ID4: variants seen among roughly 807,000 people sequenced by gnomAD.
ID4 encodes inhibitor of DNA binding 4, also known as DNA-binding protein inhibitor ID-4.
A neutral mutation model predicts 8.6 loss-of-function variants in ID4; 9 were observed. That is an observed-to-expected ratio of 1.04 (90% CI 0.63 to 1.82). The LOEUF (loss-of-function observed/expected upper bound fraction) is 1.82, where lower values mean the gene tolerates loss of function less well. Among genes scored for constraint, ID4 ranks in the 40% most tolerant of loss-of-function variants. The pLI, the probability that ID4 is intolerant of heterozygous loss-of-function variation, is 0.00. For synonymous variants in ID4, 180 were observed against 118.0 expected (o/e 1.53, Z -3.41); for missense variants, 270 against 235.1 (o/e 1.15, Z -0.97).
At position 19,840,413 on chromosome 6, in the gene ID4, T is replaced by C. The variant is rs1018701506; in HGVS notation, c.*1218T>C. On this transcript the variant is annotated 3_prime_UTR_variant, in exon 3 of 3. Coordinates refer to ENST00000378700, the MANE Select transcript of ID4 (RefSeq NM_001546.4). ...TGCTTGCTACCAAAGGACAAACTCT[T>C]GGAAATGAACACTTTCTGCTTTCCT... The C allele has an allele frequency of 6.6e-6, 1 of 152,522 alleles. No individual in the cohort carries two copies. The highest frequency in any genetic ancestry group is 2.4e-5 in the African/African-American group (1 of 41,436). The allele number at this position is 152,522 out of a possible 1,614,324, so 9.4% of individuals were successfully genotyped here. A position where few individuals can be genotyped will look rare whatever the true frequency, so the allele number is the denominator to read the frequency against.
rs1300443662 is a variant in ID4, at chr6:19,840,976, GTAT to G, written c.*1785_*1787del. ...TGTTTCAGATTATACAAGAATAAAAGTATTATAGACCCAAGGGACTTCTTATGA... is the reference window on the plus strand; with the variant it reads ...TGTTTCAGATTATACAAGAATAAAAGTATAGACCCAAGGGACTTCTTATGA... On this transcript the variant is annotated 3_prime_UTR_variant, in exon 3 of 3. Transcript: ENST00000378700. 1.3e-5 allele frequency among the ~76,000 whole-genome samples: 2 copies of G among 152,212 alleles called. No homozygotes were observed. Among genetic ancestry groups the G allele is most frequent in the East Asian group, 1.9e-4 (1 of 5,186 alleles).
rs937439838 is a variant in ID4, at chr6:19,837,496, T to C, written c.-259T>C. ...GAAGGGAGTGACTAGGACACCCGGG[T>C]GGGCTACTTTTCTTCCGGTGCTTTT... On this transcript the variant is annotated 5_prime_UTR_variant, in exon 1 of 3. Coordinates refer to ENST00000378700, the MANE Select transcript of ID4 (RefSeq NM_001546.4). 2 of 170,748 alleles carry C rather than the reference T, an allele frequency of 1.2e-5. No homozygotes were observed. The highest frequency in any genetic ancestry group is 2.4e-5 in the Non-Finnish European group (2 of 82,004). The allele number at this position is 170,748 out of a possible 1,614,324, so 10.6% of individuals were successfully genotyped here. A position where few individuals can be genotyped will look rare whatever the true frequency, so the allele number is the denominator to read the frequency against.
intron 2 of ID4, 188 bp downstream of exon 2, chr6:19,838,830 G>A (rs1441207780): frequency 1.0e-5 from 6 of 589,748 alleles, no homozygotes; most frequent in African/African-American, 3.8e-5. Flanking sequence ...TAGAACTCGA[G>A]GTTCAGTCTC....
At position 19,838,168 on chromosome 6, in the gene ID4, C is replaced by T. The variant is rs1657305444; in HGVS notation, c.414C>T (p.Thr138=). 13 of 1,501,056 alleles carry T rather than the reference C, an allele frequency of 8.7e-6. No homozygotes were observed. The highest frequency in any genetic ancestry group is 1.2e-5 in the Non-Finnish European group (13 of 1,124,672). 93.0% of individuals were successfully genotyped at this position (1,501,056 alleles called of 1,614,324 possible). ...CCTGTCCAGCCGCGCCGCCGCGGAC[C>T]CCGCTCACTGCGCTCAACACCGACC... ...AGTCPAAPPR[T]PLTALNTDPA... The change falls in exon 1 of 3, where the codon ACC becomes ACT. Residue 138 remains threonine, a synonymous_variant. Coordinates refer to ENST00000378700, the MANE Select transcript of ID4 (RefSeq NM_001546.4).
rs2113467942 is a variant in ID4, at chr6:19,840,410, T to C, written c.*1215T>C. On this transcript the variant is annotated 3_prime_UTR_variant, in exon 3 of 3. Transcript: ENST00000378700. ...CTCTGCTTGCTACCAAAGGACAAACTCTTGGAAATGAACACTTTCTGCTTT... is the reference window on the plus strand; with the variant it reads ...CTCTGCTTGCTACCAAAGGACAAACCCTTGGAAATGAACACTTTCTGCTTT... The C allele has an allele frequency of 6.6e-6, 1 of 152,606 alleles. No homozygotes were observed. Among genetic ancestry groups the C allele is most frequent in the African/African-American group, 2.4e-5 (1 of 41,534 alleles). The allele number at this position is 152,606 out of a possible 1,614,324, so 9.5% of individuals were successfully genotyped here. A position where few individuals can be genotyped will look rare whatever the true frequency, so the allele number is the denominator to read the frequency against.
At position 19,840,808 on chromosome 6, in the gene ID4, T is replaced by C. The variant is rs566709556; in HGVS notation, c.*1613T>C. 3 of 152,294 alleles carry C rather than the reference T, an allele frequency of 2.0e-5. No homozygotes were observed. The highest frequency in any genetic ancestry group is 2.1e-4 in the South Asian group (1 of 4,832). The allele number at this position is 152,294 out of a possible 1,614,324, so 9.4% of individuals were successfully genotyped here. A position where few individuals can be genotyped will look rare whatever the true frequency, so the allele number is the denominator to read the frequency against. On this transcript the variant is annotated 3_prime_UTR_variant, in exon 3 of 3. Coordinates refer to ENST00000378700, the MANE Select transcript of ID4 (RefSeq NM_001546.4). ...GGACTATCAGGGTTTGTGAACATTA[T>C]GCATTTAATGTTATGGGTACTTTAC...
At chr6:19,838,550 T>C (rs1399095663) in intron 1 of ID4, 34 bp from the exon 2 acceptor site, 5 of 1,613,926 alleles carry the variant, frequency 3.1e-6, no homozygotes, top group Non-Finnish European at 4.2e-6. Context: ...TTGCGCCTGC[T>C]AACCTTTCCC....
rs1200909762 is a variant in ID4, at chr6:19,838,003, G to A, written c.249G>A (p.Pro83=). ...TGCGGAGGCTGGTGCCCACCATCCC[G>A]CCCAACAAGAAAGTCAGCAAAGTGG... The part of the protein sequence containing the change: ...SRLRRLVPTI[P]PNKKVSKVEI... Residue 83 remains proline (P), a synonymous_variant, in exon 1 of 3, where the codon CCG becomes CCA. Transcript: ENST00000378700. 3.7e-6 allele frequency: 6 copies of A among 1,601,982 alleles called. No homozygotes were observed. The highest frequency in any genetic ancestry group is 2.7e-5 in the African/African-American group (2 of 74,236).
In ID4 at chr6:19,838,671, C is replaced by G. The variant is rs745599150; in HGVS notation, c.*14+29C>G. 6.9e-6 allele frequency: 11 copies of G among 1,603,350 alleles called. No homozygotes were observed. In the African/African-American group the frequency reaches 1.3e-4, roughly 20 times the overall value. ...AGCGCGCATTTCCCGTCTCGGGTGG[C>G]CGGTCACCAGAGACGCCCGTCCCCG... On this transcript the variant is annotated intron_variant, in intron 2 of 2. Transcript: ENST00000378700.
rs1478384088 is a variant in ID4, at chr6:19,840,875, G to C, written c.*1680G>C. On this transcript the variant is annotated 3_prime_UTR_variant, in exon 3 of 3. Transcript: ENST00000378700. Reference sequence around the variant, plus strand: ...ATTTTTAGAGTGAAAGAATTAAGTAGGATTTAATTGGGTGCTTTGTAAATA... The same window carrying C: ...ATTTTTAGAGTGAAAGAATTAAGTACGATTTAATTGGGTGCTTTGTAAATA... Among the ~76,000 whole-genome samples, 2 of 152,126 alleles carry C rather than the reference G, an allele frequency of 1.3e-5. No individual in the cohort carries two copies. Among genetic ancestry groups the C allele is most frequent in the African/African-American group, 4.8e-5 (2 of 41,440 alleles).
At chr6:19,838,703 T>TC (rs1761287282) in intron 2 of ID4, 61 bp downstream of exon 2, 1 of 1,478,174 alleles carries the variant, frequency 6.8e-7, no homozygotes. Context: ...CCCGAGGGCT[T>TC]CCGGGGCCAG....
chr6:19,838,366 C>T (rs949988483), intron 1 of ID4, among the ~76,000 whole-genome samples, 171 bp downstream of exon 1: 1 of 152,062 alleles, frequency 6.6e-6, no homozygotes, highest in Non-Finnish European at 1.5e-5. Flanking sequence ...CGGCCGGGCT[C>T]GGCGAGCGCG....
Position 19,837,627 on chromosome 6 carries a change from G to T in ID4, c.-128G>T. ...GTCAATTGTTGGGCTCGGGAGTGTC[G>T]CGGTGCCCCGAGCGCGCCGGGCGCG... On this transcript the variant is annotated 5_prime_UTR_variant, in exon 1 of 3. Coordinates refer to ENST00000378700, the MANE Select transcript of ID4 (RefSeq NM_001546.4). 1.9e-6 allele frequency: 1 copy of T among 520,826 alleles called. No individual in the cohort carries two copies. The highest frequency in any genetic ancestry group is 5.8e-5 in the Admixed American group (1 of 17,334). The allele number at this position is 520,826 out of a possible 1,614,324, so 32.3% of individuals were successfully genotyped here.
chr6:19,838,498 C>G, intron 1 of ID4, 86 bp from the exon 2 acceptor site: 1 of 1,574,874 alleles, frequency 6.3e-7, no homozygotes, highest in Non-Finnish European at 8.7e-7. Flanking sequence ...GCGCGCCAGC[C>G]TGATTTCCGA....
Position 19,837,862 on chromosome 6 carries a change from T to G in ID4, c.108T>G (p.Gly36=), listed in dbSNP as rs1390176390. The part of the protein sequence containing the change: ...RCLAEHGHSL[G]GSAAAAAAAA... ...TGGCCGAGCACGGCCACAGCCTGGG[T>G]GGCTCCGCAGCCGCGGCGGCGGCGG... The change falls in exon 1 of 3, where the codon GGT becomes GGG. Residue 36 remains glycine, a synonymous_variant. Coordinates refer to ENST00000378700, the MANE Select transcript of ID4 (RefSeq NM_001546.4). 6.3e-6 allele frequency: 8 copies of G among 1,260,410 alleles called. No individual in the cohort carries two copies. Among genetic ancestry groups the G allele is most frequent in the African/African-American group, 1.6e-5 (1 of 62,492 alleles). The allele number at this position is 1,260,410 out of a possible 1,614,324, so 78.1% of individuals were successfully genotyped here. A position where few individuals can be genotyped will look rare whatever the true frequency, so the allele number is the denominator to read the frequency against.
At chr6:19,838,433 G>C in intron 1 of ID4, 151 bp from the exon 2 acceptor site, 1 of 1,144,710 alleles carries the variant, frequency 8.7e-7, no homozygotes, top group Non-Finnish European at 1.3e-6. Context: ...GGGCTGTCAA[G>C]TCCCGCCTGA....
At chr6:19,838,461 C>G (rs1048376307) in intron 1 of ID4, 123 bp from the exon 2 acceptor site, 3 of 1,353,818 alleles carry the variant, frequency 2.2e-6, no homozygotes, top group Non-Finnish European at 3.1e-6. Context: ...GGGGCCCCCC[C>G]GGCTACAGGC....
chr6:19,841,618 C>T lies in ID4; in HGVS notation c.*2423C>T, dbSNP rs541367994. Among the ~76,000 whole-genome samples the T allele has an allele frequency of 6.6e-6, 1 of 152,260 alleles. No individual in the cohort carries two copies. The highest frequency in any genetic ancestry group is 2.1e-4 in the South Asian group (1 of 4,824). On this transcript the variant is annotated 3_prime_UTR_variant, in exon 3 of 3. Transcript: ENST00000378700. The stretch of plus-strand genomic sequence containing the variant: ...AAAAACTACTGAAAGAAGAAAAGTG[C>T]TACAGATACTACATTTCAAAGAGTT...
rs1761244151 is a variant in ID4 at position 19,837,610 on chromosome 6, T to C, written c.-145T>C. 2.6e-6 allele frequency: 1 copy of C among 383,266 alleles called. No homozygotes were observed. Among genetic ancestry groups the C allele is most frequent in the Non-Finnish European group, 3.8e-6 (1 of 262,042 alleles). 23.7% of individuals were successfully genotyped at this position (383,266 alleles called of 1,614,324 possible). A position where few individuals can be genotyped will look rare whatever the true frequency, so the allele number is the denominator to read the frequency against. ...CCCAGAGCGACCCTCCCGTCAATTGTTGGGCTCGGGAGTGTCGCGGTGCCC... is the reference window on the plus strand; with the variant it reads ...CCCAGAGCGACCCTCCCGTCAATTGCTGGGCTCGGGAGTGTCGCGGTGCCC... On this transcript the variant is annotated 5_prime_UTR_variant, in exon 1 of 3. Coordinates refer to ENST00000378700, the MANE Select transcript of ID4 (RefSeq NM_001546.4).
Sources: gnomAD v4.1 joint callset for allele counts (sites outside exome capture counted in the v4.1 genomes callset) on GRCh38, gnomAD v4.1.1 for gene constraint, MANE v1.5 for transcripts, NCBI Gene and HGNC (gene_info 2026-07-23, HGNC 2026-07-21) for gene names.